CCDC171: variants seen among roughly 807,000 people sequenced by gnomAD.
CCDC171 encodes the protein coiled-coil domain containing 171.
In CCDC171, 177 loss-of-function variants were observed where a neutral mutation model predicts 168.2. That is an observed-to-expected ratio of 1.05 (90% confidence interval 0.93 to 1.19). The LOEUF is 1.19. CCDC171 is among the 50% of genes most tolerant of loss of function. The pLI is 0.00. For missense variants in CCDC171, 1,991 were observed against 1,539.0 expected, an observed-to-expected ratio of 1.29 and a Z score of -4.91; for synonymous variants, 687 against 540.8, an observed-to-expected ratio of 1.27 and a Z score of -3.75.
At chr9:15,691,539 ATG>A (rs1564218125) in intron 10 of CCDC171, among the ~76,000 whole-genome samples, 1 of 14,146 alleles carries the variant, frequency 7.1e-5, no homozygotes, top group Non-Finnish European at 1.5e-4. Flanking sequence ...CTGTAAATAT[ATG>A]TTTTTTATAT....
chr9:15,658,698 C>G (rs1161204853), intron 8 of CCDC171, among the ~76,000 whole-genome samples: 1 of 151,998 alleles, frequency 6.6e-6, no homozygotes, highest in East Asian at 1.9e-4. Context: ...GAGTAGGTCA[C>G]CATGAACCCA....
intron 1 of CCDC171, among the ~76,000 whole-genome samples, chr9:16,045,685 T>C (rs1341430774): frequency 3.9e-5 from 6 of 152,120 alleles, no homozygotes; most frequent in African/African-American, 1.4e-4. Context: ...GAGCAGCACT[T>C]GGGGAGGCTG....
In CCDC171 at chr9:15,865,015, G is replaced by A. The variant is rs557076647; in HGVS notation, c.3469-9517G>A. 3.3e-5 allele frequency among the ~76,000 whole-genome samples: 5 copies of A among 152,156 alleles called. No individual in the cohort carries two copies. In the South Asian group the frequency reaches 8.3e-4, roughly 25 times the overall value. On this transcript the variant is annotated intron_variant, in intron 23 of 25. Coordinates refer to ENST00000380701, the MANE Select transcript of CCDC171 (RefSeq NM_173550.4). ...AGTACCAAAGAATGTTCACTGAGAA[G>A]TCTTAGATGCTTTTATCGTAAATCA...
At chr9:15,859,828 T>G (rs1310969992) in intron 23 of CCDC171, among the ~76,000 whole-genome samples, 6 of 151,662 alleles carry the variant, frequency 4.0e-5, no homozygotes, top group Non-Finnish European at 5.9e-5. Context: ...TCCTGCTAAT[T>G]TTTAAATTAT....
At chr9:16,068,766 T>A in the CCDC171 span, among the ~76,000 whole-genome samples, 6 of 151,868 alleles carry the variant, frequency 4.0e-5, no homozygotes, top group African/African-American at 4.9e-5. Flanking sequence ...TACGATGTAT[T>A]CTGCCAGGAT....
rs777337596 is a variant in CCDC171 at position 15,695,324 on chromosome 9, C to G, written c.1305C>G (p.Gly435=). 20 of 1,612,926 alleles carry G rather than the reference C, an allele frequency of 1.2e-5. No homozygotes were observed. Among genetic ancestry groups the G allele is most frequent in the Non-Finnish European group, 1.7e-5 (20 of 1,178,924 alleles). ...ESILDSFTVS[G]QWTSGIHKDK... ...TCTTGGACAGCTTTACTGTGTCGGG[C>G]CAGTGGACATCAGGTTAGTTGAAGG... is the stretch of plus-strand genomic sequence containing the variant. The change falls in exon 11 of 26, where the codon GGC becomes GGG. Residue 435 remains glycine, a synonymous_variant. Transcript: ENST00000380701.
rs748524167 is a variant in CCDC171, at chr9:15,777,682, G to A, written c.2754G>A (p.Leu918=). The change falls in exon 19 of 26, where the codon CTG becomes CTA. Residue 918 remains leucine (L), a synonymous_variant. Transcript: ENST00000380701. ...SFAKLMDKIS[L]VMECIPLHSS... is the part of the protein sequence containing the mutation. ...CAAAACTCATGGATAAAATTAGTCT[G>A]GTAATGGAATGTATACCTCTGCACA... The A allele has an allele frequency of 1.9e-6, 3 of 1,613,790 alleles. No homozygotes were observed. The East Asian group carries it at 6.7e-5, about 36-fold the overall frequency.
chr9:15,892,516 T>C (rs1385364347), intron 24 of CCDC171, among the ~76,000 whole-genome samples: 1 of 152,172 alleles, frequency 6.6e-6, no homozygotes, highest in African/African-American at 2.4e-5. Context: ...TTTATTGATT[T>C]GGTTATGTTG....
At chr9:16,022,937 C>G (rs1459378499) in intron 6 of CCDC171, 1 of 152,166 alleles carries the variant, frequency 6.6e-6, no homozygotes, top group Non-Finnish European at 1.5e-5. Flanking sequence ...GTTGAATTAC[C>G]AGTGCCCTGG....
intron 16 of CCDC171, among the ~76,000 whole-genome samples, chr9:15,737,273 A>G (rs2134465182): frequency 6.6e-6 from 1 of 152,270 alleles, no homozygotes; most frequent in East Asian, 1.9e-4. Context: ...TTTTTCCTCA[A>G]AAAGTGTAAA....
At chr9:15,785,338 C>G (rs972968784) in intron 21 of CCDC171, among the ~76,000 whole-genome samples, 1 of 151,978 alleles carries the variant, frequency 6.6e-6, no homozygotes, top group African/African-American at 2.4e-5. Flanking sequence ...TGGAATGGAA[C>G]TAAATCCAGG....
intron 25 of CCDC171, among the ~76,000 whole-genome samples, chr9:15,924,440 C>CAAAA (rs34003715): frequency 6.4e-5 from 9 of 140,484 alleles, no homozygotes; most frequent in African/African-American, 1.8e-4. Context: ...CACACTTAGT[C>CAAAA]AAAAAAAAAA....
chr9:15,646,111 G>C (rs1262383075), intron 7 of CCDC171, among the ~76,000 whole-genome samples: 2 of 152,144 alleles, frequency 1.3e-5, no homozygotes, highest in Non-Finnish European at 2.9e-5. Context: ...TTAAAGAAAA[G>C]AATTTTCAAC....
chr9:15,946,092 T>TAC (rs540249614), intron 25 of CCDC171, among the ~76,000 whole-genome samples: 313 of 152,122 alleles, frequency 2.1e-3, no homozygotes, highest in African/African-American at 7.2e-3. Context: ...TTCAGCTTTC[T>TAC]ACATATGGCT....
chr9:15,773,250 CATT>C (rs934268602), intron 18 of CCDC171, among the ~76,000 whole-genome samples: 7 of 152,046 alleles, frequency 4.6e-5, no homozygotes, highest in African/African-American at 1.4e-4. Context: ...CTCACAATAT[CATT>C]ATTATTCACG....
At chr9:15,843,300 C>G (rs1019336731) in intron 21 of CCDC171, among the ~76,000 whole-genome samples, 1 of 152,004 alleles carries the variant, frequency 6.6e-6, no homozygotes, top group Non-Finnish European at 1.5e-5. Context: ...AACTGGAAAT[C>G]TTTGATAAAT....
chr9:16,008,264 G>A (rs1832764387), intron 3 of CCDC171, among the ~76,000 whole-genome samples: 1 of 152,048 alleles, frequency 6.6e-6, no homozygotes, highest in African/African-American at 2.4e-5. Flanking sequence ...AAGATGTGAG[G>A]TAAGAGTTCA....
At chr9:15,909,628 G>A (rs184842197) in intron 24 of CCDC171, among the ~76,000 whole-genome samples, 75 of 152,222 alleles carry the variant, frequency 4.9e-4, no homozygotes, top group Non-Finnish European at 9.7e-4. Flanking sequence ...CTGTTTGCGT[G>A]CTATTAGTAA....
intron 25 of CCDC171, among the ~76,000 whole-genome samples, chr9:15,963,975 T>C (rs1051289234): frequency 6.6e-6 from 1 of 152,204 alleles, no homozygotes; most frequent in Non-Finnish European, 1.5e-5. Flanking sequence ...CAGTGCCTCC[T>C]TCTTTGCTCC....
Sources: allele counts gnomAD v4.1 joint callset (sites outside exome capture counted in the v4.1 genomes callset), GRCh38; gene constraint gnomAD v4.1.1; transcripts MANE v1.5; gene names NCBI Gene and HGNC (gene_info 2026-07-23, HGNC 2026-07-21).